JAKMIP2: variants seen among roughly 807,000 people sequenced by gnomAD.
JAKMIP2 encodes the protein janus kinase and microtubule interacting protein 2, also known as janus kinase and microtubule-interacting protein 2.
Under a neutral mutation model 115.0 loss-of-function variants are expected in JAKMIP2, and 25 were observed. The ratio of observed to expected loss-of-function variants is 0.22; its 90% CI spans 0.16 to 0.30. The LOEUF is 0.30. Among genes scored for constraint, JAKMIP2 ranks in the 10% least tolerant of loss-of-function variants. JAKMIP2 has a pLI of 1.00. For synonymous variants in JAKMIP2, 334 were observed against 343.6 expected, an observed-to-expected ratio of 0.97 and a Z score of 0.31; for missense variants, 642 against 957.6, an observed-to-expected ratio of 0.67 and a Z score of 4.35.
intron 1 of JAKMIP2, among the ~76,000 whole-genome samples, chr5:147,717,637 GCTCT>G (rs1476309828): frequency 6.6e-6 from 1 of 150,590 alleles, no homozygotes; most frequent in Non-Finnish European, 1.5e-5. Flanking sequence ...TCATGATTTG[GCTCT>G]CTGTTTGTCT....
At chr5:147,593,321 T>G (rs1202156027) in intron 21 of JAKMIP2, among the ~76,000 whole-genome samples, 1 of 152,226 alleles carries the variant, frequency 6.6e-6, no homozygotes. Context: ...TTCTGAAGAA[T>G]TCACACATAT....
chr5:147,605,090 C>A (rs1414589578), intron 20 of JAKMIP2, among the ~76,000 whole-genome samples: 1 of 151,648 alleles, frequency 6.6e-6, no homozygotes, highest in East Asian at 1.9e-4. Flanking sequence ...GTTTTCTATT[C>A]CTCTGTTAGT....
At chr5:147,621,774 A>T (rs565272793) in intron 17 of JAKMIP2, among the ~76,000 whole-genome samples, 1 of 152,336 alleles carries the variant, frequency 6.6e-6, no homozygotes, top group East Asian at 1.9e-4. Flanking sequence ...TGTGCCACAC[A>T]AATGCAAGTT....
chr5:147,732,848 A>G (rs1753785332), intron 1 of JAKMIP2, among the ~76,000 whole-genome samples: 1 of 152,166 alleles, frequency 6.6e-6, no homozygotes, highest in Non-Finnish European at 1.5e-5. Flanking sequence ...TCACGCTGTG[A>G]TGTTTATCTT....
intron 1 of JAKMIP2, among the ~76,000 whole-genome samples, chr5:147,722,668 C>T (rs910393172): frequency 8.5e-5 from 13 of 152,134 alleles, no homozygotes; most frequent in South Asian, 4.2e-4. Flanking sequence ...GATAATATTT[C>T]GGTATTATTA....
At chr5:147,644,562 G>T (rs1053545590) in intron 6 of JAKMIP2, among the ~76,000 whole-genome samples, 3 of 152,176 alleles carry the variant, frequency 2.0e-5, no homozygotes, top group African/African-American at 7.2e-5. Flanking sequence ...TGAAGTCATG[G>T]ATGGTTTCTG....
intron 1 of JAKMIP2, among the ~76,000 whole-genome samples, chr5:147,727,302 T>C (rs1753556033): frequency 6.6e-6 from 1 of 152,222 alleles, no homozygotes; most frequent in South Asian, 2.1e-4. Context: ...GCCAGAAATA[T>C]TGGCTGTTTT....
At chr5:147,744,106 A>G (rs944832907) in intron 1 of JAKMIP2, among the ~76,000 whole-genome samples, 1 of 145,272 alleles carries the variant, frequency 6.9e-6, no homozygotes. Context: ...AAGTTGCTTC[A>G]TTTGTTTCTT....
At chr5:147,646,605 G>A (rs1758140946) in intron 5 of JAKMIP2, among the ~76,000 whole-genome samples, 1 of 151,738 alleles carries the variant, frequency 6.6e-6, no homozygotes, top group South Asian at 2.1e-4. Context: ...GGAAAAAAGT[G>A]TGTTTGTGTG....
Position 147,628,830 on chromosome 5 carries a change from G to A in JAKMIP2, c.1930-14C>T. ...ATTTCTTAAATTCTGTAAAAAATAA[G>A]AAAGGCCGTCAGCTGAACATACTGA... On this transcript the variant is annotated splice_polypyrimidine_tract_variant and intron_variant, in intron 15 of 21. Coordinates refer to ENST00000616793, the MANE Select transcript of JAKMIP2 (RefSeq NM_001270941.2). The A allele has an allele frequency of 1.9e-6, 3 of 1,605,994 alleles. No homozygotes were observed. Among genetic ancestry groups the A allele is most frequent in the Non-Finnish European group, 2.6e-6 (3 of 1,173,556 alleles).
intron 5 of JAKMIP2, among the ~76,000 whole-genome samples, chr5:147,645,202 C>G (rs1236108780): frequency 6.6e-6 from 1 of 152,126 alleles, no homozygotes; most frequent in Non-Finnish European, 1.5e-5. Context: ...TTCATCACAG[C>G]CTTCATAGCC....
At chr5:147,612,140 G>T in intron 20 of JAKMIP2, 166 bp downstream of exon 20, 1 of 740,460 alleles carries the variant, frequency 1.4e-6, no homozygotes, top group Non-Finnish European at 2.5e-6. Context: ...CAGACGCTTT[G>T]CTGGCATTCT....
chr5:147,731,461 G>A (rs906432522), intron 1 of JAKMIP2, among the ~76,000 whole-genome samples: 5 of 152,168 alleles, frequency 3.3e-5, no homozygotes, highest in African/African-American at 4.8e-5. Context: ...AATGAGGACT[G>A]TTTGGAAGGA....
intron 10 of JAKMIP2, among the ~76,000 whole-genome samples, chr5:147,638,727 TA>T (rs1332317298): frequency 6.6e-6 from 1 of 152,042 alleles, no homozygotes; most frequent in Non-Finnish European, 1.5e-5. Flanking sequence ...TTGGCTCATG[TA>T]AATTTACCTA....
At chr5:147,592,852 CA>C (rs1164207982) in intron 21 of JAKMIP2, among the ~76,000 whole-genome samples, 1 of 152,094 alleles carries the variant, frequency 6.6e-6, no homozygotes, top group African/African-American at 2.4e-5. Flanking sequence ...GTCTACCAAC[CA>C]GGGGCAACTT....
chr5:147,752,109 T>C (rs973761602), intron 1 of JAKMIP2, among the ~76,000 whole-genome samples: 6 of 152,276 alleles, frequency 3.9e-5, no homozygotes, highest in Middle Eastern at 6.8e-3. Flanking sequence ...TGAGTCTGCA[T>C]TGGGATCAGG....
At chr5:147,765,099 G>T (rs1288471160) in intron 1 of JAKMIP2, among the ~76,000 whole-genome samples, 2 of 150,538 alleles carry the variant, frequency 1.3e-5, no homozygotes, top group Non-Finnish European at 3.0e-5. Context: ...AGCAATTCAT[G>T]CTCATAATAG....
At chr5:147,745,154 G>T (rs1460380083) in intron 1 of JAKMIP2, among the ~76,000 whole-genome samples, 1 of 151,406 alleles carries the variant, frequency 6.6e-6, no homozygotes, top group Non-Finnish European at 1.5e-5. Flanking sequence ...TAGAACCTAA[G>T]GGAAAACATC....
At chr5:147,711,657 C>A (rs1213517129) in intron 1 of JAKMIP2, among the ~76,000 whole-genome samples, 1 of 152,050 alleles carries the variant, frequency 6.6e-6, no homozygotes, top group Non-Finnish European at 1.5e-5. Context: ...TAGTGTGTAA[C>A]CCATAGTAAT....
Sources: gnomAD v4.1 joint callset for allele counts (sites outside exome capture counted in the v4.1 genomes callset) on GRCh38, gnomAD v4.1.1 for gene constraint, MANE v1.5 for transcripts, NCBI Gene and HGNC (gene_info 2026-07-23, HGNC 2026-07-21) for gene names.